The following PCSK5 variants were observed in gnomAD, a reference collection of about 807,000 sequenced individuals.
PCSK5 encodes the protein prohormone convertase 5.
Under a neutral mutation model 233.2 loss-of-function variants are expected in PCSK5, and 129 were observed. The ratio of observed to expected loss-of-function variants is 0.55; its 90% CI spans 0.48 to 0.64. PCSK5 has a LOEUF of 0.64. Among genes scored for constraint, PCSK5 ranks in the 30% least tolerant of loss-of-function variants. PCSK5 has a pLI of 0.00. For synonymous variants in PCSK5, 825 were observed against 879.2 expected (o/e 0.94, Z 1.09); for missense variants, 2,076 against 2,430.1 (o/e 0.85, Z 3.06).
chr9:75,898,694 T>C (rs1587328680), intron 1 of PCSK5, among the ~76,000 whole-genome samples: 1 of 150,000 alleles, frequency 6.7e-6, no homozygotes, highest in South Asian at 2.1e-4. Flanking sequence ...AGAGATCAGG[T>C]TTTATAGGCC....
chr9:76,358,971 T>A lies in PCSK5; in HGVS notation c.*49T>A. On this transcript the variant is annotated 3_prime_UTR_variant, in exon 38 of 38. Coordinates refer to ENST00000674117, the MANE Select transcript of PCSK5 (RefSeq NM_001372043.1). ...ACCATTCCACTCTCAGGCATGCCTG[T>A]GAGCATCACTGTTTTTGGTTTTATC... The A allele has an allele frequency of 6.6e-7, 1 of 1,522,590 alleles. No homozygotes were observed. The highest frequency in any genetic ancestry group is 9.0e-7 in the Non-Finnish European group (1 of 1,110,612). The allele number at this position is 1,522,590 out of a possible 1,614,324, so 94.3% of individuals were successfully genotyped here. A position where few individuals can be genotyped will look rare whatever the true frequency, so the allele number is the denominator to read the frequency against.
At chr9:76,249,377 C>G (rs1471706821) in intron 24 of PCSK5, among the ~76,000 whole-genome samples, 1 of 151,766 alleles carries the variant, frequency 6.6e-6, no homozygotes, top group Admixed American at 6.6e-5. Context: ...CTGGCCTGTA[C>G]TTGGAAAGAA....
chr9:76,181,714 T>A (rs766664083), intron 16 of PCSK5, 123 bp downstream of exon 16: 24 of 657,818 alleles, frequency 3.6e-5, no homozygotes, highest in African/African-American at 7.4e-5. Flanking sequence ...CAGGATCTAG[T>A]TCATTCATTT....
chr9:76,180,093 A>G (rs535949452), intron 15 of PCSK5, among the ~76,000 whole-genome samples: 178 of 139,772 alleles, frequency 1.3e-3, no homozygotes, highest in Non-Finnish European at 2.1e-3. Context: ...GTGTGTATAT[A>G]TATATATATA....
chr9:75,988,429 G>A (rs543500125), intron 3 of PCSK5, among the ~76,000 whole-genome samples: 8 of 151,678 alleles, frequency 5.3e-5, no homozygotes, highest in Admixed American at 2.6e-4. Flanking sequence ...CTATAGGTGC[G>A]CACCACCATG....
At chr9:76,149,952 CCTT>C (rs556102517) in intron 10 of PCSK5, among the ~76,000 whole-genome samples, 46 of 152,260 alleles carry the variant, frequency 3.0e-4, no homozygotes, top group African/African-American at 1.1e-3. Flanking sequence ...AGACATATCT[CCTT>C]CTTGTTTTAA....
At chr9:75,960,284 A>G (rs2131342055) in intron 2 of PCSK5, among the ~76,000 whole-genome samples, 1 of 152,368 alleles carries the variant, frequency 6.6e-6, no homozygotes, top group East Asian at 1.9e-4. Flanking sequence ...TACAAGCTGG[A>G]GAACTGAAGG....
intron 5 of PCSK5, among the ~76,000 whole-genome samples, chr9:76,038,834 A>G (rs1828974427): frequency 6.6e-6 from 1 of 152,204 alleles, no homozygotes; most frequent in South Asian, 2.1e-4. Context: ...TAGGAGCCCC[A>G]TCATTTTGAC....
intron 10 of PCSK5, among the ~76,000 whole-genome samples, chr9:76,154,923 C>T (rs1430948235): frequency 6.6e-6 from 1 of 152,146 alleles, no homozygotes; most frequent in Non-Finnish European, 1.5e-5. Context: ...AATTACCCCT[C>T]ATGATGTTAC....
At chr9:76,040,391 C>CTG (rs762408005) in intron 5 of PCSK5, among the ~76,000 whole-genome samples, 15,249 of 120,224 alleles carry the variant, frequency 0.13, 967 homozygotes, top group East Asian at 0.25. Flanking sequence ...CTCTGTCTCT[C>CTG]TCTCTCTCTC....
chr9:76,272,673 G>A (rs1379724139), intron 24 of PCSK5, among the ~76,000 whole-genome samples: 1 of 150,034 alleles, frequency 6.7e-6, no homozygotes, highest in Non-Finnish European at 1.5e-5. Context: ...TACTCGGGAG[G>A]CTGAGGCAGA....
chr9:76,211,990 C>G (rs899430686), intron 20 of PCSK5, among the ~76,000 whole-genome samples: 1 of 152,214 alleles, frequency 6.6e-6, no homozygotes, highest in African/African-American at 2.4e-5. Context: ...CATCTTTTAC[C>G]TAGCACTTCA....
intron 3 of PCSK5, among the ~76,000 whole-genome samples, chr9:75,996,238 A>T (rs1827017325): frequency 6.6e-6 from 1 of 152,220 alleles, no homozygotes; most frequent in Non-Finnish European, 1.5e-5. Flanking sequence ...GAAGACTTTT[A>T]TTAATGCATT....
chr9:75,925,602 G>A (rs563678866), intron 1 of PCSK5, among the ~76,000 whole-genome samples: 1 of 152,174 alleles, frequency 6.6e-6, no homozygotes, highest in African/African-American at 2.4e-5. Flanking sequence ...ATTTTAAATT[G>A]GGTGGTCACA....
At chr9:76,016,550 G>T (rs1227754254) in intron 3 of PCSK5, among the ~76,000 whole-genome samples, 1 of 152,180 alleles carries the variant, frequency 6.6e-6, no homozygotes. Context: ...CCTCAGAAAT[G>T]CCCGCTAAGT....
intron 8 of PCSK5, among the ~76,000 whole-genome samples, chr9:76,101,613 T>C (rs1831761244): frequency 6.6e-6 from 1 of 152,192 alleles, no homozygotes; most frequent in African/African-American, 2.4e-5. Flanking sequence ...ATCTTAGTGA[T>C]TGGGACATAG....
intron 26 of PCSK5, 57 bp downstream of exon 26, chr9:76,295,468 G>T: frequency 6.5e-7 from 1 of 1,547,400 alleles, no homozygotes; most frequent in Non-Finnish European, 8.9e-7. Flanking sequence ...GCTCCACACA[G>T]TCGGGGCCAC....
At chr9:75,956,227 T>C (rs1389593527) in intron 2 of PCSK5, among the ~76,000 whole-genome samples, 2 of 152,252 alleles carry the variant, frequency 1.3e-5, no homozygotes, top group African/African-American at 2.4e-5. Context: ...TTGCAATTCT[T>C]AGCATGAGCA....
intron 1 of PCSK5, among the ~76,000 whole-genome samples, chr9:75,901,443 G>C (rs1441729424): frequency 6.6e-6 from 1 of 152,082 alleles, no homozygotes; most frequent in Non-Finnish European, 1.5e-5. Context: ...GACACAGGGA[G>C]GGGAACATCA....
Sources: gnomAD v4.1 joint callset for allele counts (sites outside exome capture counted in the v4.1 genomes callset) on GRCh38, gnomAD v4.1.1 for gene constraint, MANE v1.5 for transcripts, NCBI Gene and HGNC (gene_info 2026-07-23, HGNC 2026-07-21) for gene names.